Variants in CCDC183 observed in about 807,000 individuals in gnomAD.
The protein encoded by CCDC183 is coiled-coil domain containing 183, also known as coiled-coil domain-containing protein 183.
In CCDC183, 63 loss-of-function variants were observed where a neutral mutation model predicts 65.2. That is an observed-to-expected ratio of 0.97 (90% CI 0.79 to 1.19). The LOEUF (loss-of-function observed/expected upper bound fraction) is 1.19. Ranked by LOEUF, CCDC183 falls within the 50% of genes most tolerant of loss-of-function variation. CCDC183 has a pLI of 0.00. For missense variants in CCDC183, 769 were observed against 689.3 expected (o/e 1.12, Z -1.30); for synonymous variants, 323 against 276.5 (o/e 1.17, Z -1.67).
In CCDC183 at chr9:136,800,021, G is replaced by C; in HGVS notation, c.290G>C (p.Arg97Pro). 6.3e-7 allele frequency: 1 copy of C among 1,590,548 alleles called. No homozygotes were observed. The highest frequency in any genetic ancestry group is 8.6e-7 in the Non-Finnish European group (1 of 1,169,394). Residue 97 changes from arginine (R) to proline (P), a missense_variant, in exon 4 of 14, where the codon CGC becomes CCC. By Grantham distance (103) the Arg-to-Pro change is moderately radical (BLOSUM62 -2). Coordinates refer to ENST00000338005, the MANE Select transcript of CCDC183 (RefSeq NM_001039374.5). ...STMEVVREKL[R>P]KYVFDRVNMH... is the part of the protein sequence containing the mutation. ...ACCCAGGTGGTGCGGGAGAAGCTGC[G>C]CAAGTACGTCTTCGACCGCGTGAAC...
rs557045264 is a variant in CCDC183, at chr9:136,804,599, C to T, written c.764C>T (p.Thr255Met). 51 of 1,613,710 alleles carry T rather than the reference C, an allele frequency of 3.2e-5. No individual in the cohort carries two copies. The highest frequency in any genetic ancestry group is 3.1e-4 in the African/African-American group (23 of 75,038). Residue 255 changes from threonine (T) to methionine (M), a missense_variant, in exon 7 of 14, where the codon ACG becomes ATG. By Grantham distance (81) the Thr-to-Met change is moderately conservative (BLOSUM62 -1). Transcript: ENST00000338005. The surrounding 1 kb of genome is among the most constrained non-coding windows in gnomAD (Gnocchi z 4.1). ...AAGAAGCTGATCGACAAGATCCACA[C>T]GAAGGAGACCAGCGAGAAGTACCGC... ...QQKKLIDKIH[T>M]KETSEKYRRG... is the part of the protein sequence containing the mutation.
At chr9:136,796,976 A>G (rs1044938525) in intron 1 of CCDC183, among the ~76,000 whole-genome samples, 3 of 152,018 alleles carry the variant, frequency 2.0e-5, no homozygotes, top group Non-Finnish European at 4.4e-5. Flanking sequence ...GAGTAGTGAA[A>G]GAGGGAGGCC....
chr9:136,806,206 G>A lies in CCDC183; in HGVS notation c.1077G>A (p.Val359=). The change falls in exon 10 of 14, where the codon GTG becomes GTA. Residue 359 remains valine (V), a synonymous_variant. Transcript: ENST00000338005. Reference sequence around the variant, plus strand: ...AGCAGCTGGAGCTGGAGGAGGCCGTGCTCAAGTTCCGCCAGAAGCCTAGCT... The same window carrying A: ...AGCAGCTGGAGCTGGAGGAGGCCGTACTCAAGTTCCGCCAGAAGCCTAGCT... ...LVKQLELEEA[V]LKFRQKPSSI... 1 of 1,583,022 alleles carries A rather than the reference G, an allele frequency of 6.3e-7. No individual in the cohort carries two copies. Among genetic ancestry groups the A allele is most frequent in the Non-Finnish European group, 8.6e-7 (1 of 1,164,592 alleles).
intron 1 of CCDC183, among the ~76,000 whole-genome samples, chr9:136,798,003 T>A (rs1163219044): frequency 6.6e-6 from 1 of 151,736 alleles, no homozygotes; most frequent in Non-Finnish European, 1.5e-5. Context: ...GTATTTGTAT[T>A]TTTATTTATT....
rs372140283 is a variant in CCDC183 at position 136,800,511 on chromosome 9, G to A, written c.543+18G>A. On this transcript the variant is annotated intron_variant, in intron 5 of 13. Transcript: ENST00000338005. ...TGAAGACAGTGAGCCCAGCGGCCCG[G>A]GAAGGGCGGGGGTCAGGGGCTGGGA... is the stretch of plus-strand genomic sequence containing the variant. The A allele has an allele frequency of 4.5e-6, 7 of 1,571,218 alleles. No individual in the cohort carries two copies. Among genetic ancestry groups the A allele is most frequent in the Non-Finnish European group, 6.1e-6 (7 of 1,148,030 alleles).
rs773238106 is a variant in CCDC183 at position 136,802,697 on chromosome 9, C to A, written c.577C>A (p.Leu193Met). The change falls in exon 6 of 14, where the codon CTG becomes ATG. Residue 193 changes from leucine (L) to methionine (M), a missense_variant. Physicochemically the swap from Leu to Met is conservative, Grantham distance 15 (BLOSUM62 2). Transcript: ENST00000338005. ...AGGATACCCCATTGAGCTGGACAAG[C>A]TGCAGAACCTCGTGGTCAACTACTG... ...LAGYPIELDK[L>M]QNLVVNYCSE... The A allele has an allele frequency of 1.2e-6, 2 of 1,613,450 alleles. No individual in the cohort carries two copies. Among genetic ancestry groups the A allele is most frequent in the Non-Finnish European group, 1.7e-6 (2 of 1,179,834 alleles).
intron 1 of CCDC183, among the ~76,000 whole-genome samples, chr9:136,797,643 T>C (rs1345230368): frequency 6.6e-6 from 1 of 152,178 alleles, no homozygotes. Context: ...TTTCACCGTG[T>C]TAGCCAGGAT....
At chr9:136,800,265 TG>T (rs1847717757) in intron 4 of CCDC183, 96 bp downstream of exon 4, 1 of 1,077,440 alleles carries the variant, frequency 9.3e-7, no homozygotes, top group African/African-American at 2.5e-5. Context: ...GCGGGTCCCC[TG>T]GGGAGGGCTC....
chr9:136,805,772 T>C (rs1847833877), intron 9 of CCDC183, among the ~76,000 whole-genome samples: 1 of 152,144 alleles, frequency 6.6e-6, no homozygotes, highest in African/African-American at 2.4e-5. Flanking sequence ...TCTCCTTATC[T>C]CTACATGGGG....
chr9:136,800,145 C>A lies in CCDC183; in HGVS notation c.414C>A (p.Ser138Arg). 6.7e-7 allele frequency: 1 copy of A among 1,498,558 alleles called. No homozygotes were observed. The allele number at this position is 1,498,558 out of a possible 1,614,324, so 92.8% of individuals were successfully genotyped here. A position where few individuals can be genotyped will look rare whatever the true frequency, so the allele number is the denominator to read the frequency against. The change falls in exon 4 of 14, where the codon AGC becomes AGA. Residue 138 changes from serine to arginine, a missense_variant. Transcript: ENST00000338005. ...LDSLRSQPDA[S>R]KEELRLLQII... ...GCCTGCGGAGCCAGCCCGACGCCAG[C>A]AAGGAGGAGCTGCGGCTGCTGCAGG...
Position 136,804,123 on chromosome 9 carries a change from G to T in CCDC183, c.667-379G>T, listed in dbSNP as rs549311741. 5.3e-4 allele frequency: 132 copies of T among 248,962 alleles called. No homozygotes were observed. The highest frequency in any genetic ancestry group is 2.8e-3 in the African/African-American group (127 of 45,114). The allele number at this position is 248,962 out of a possible 1,614,324, so 15.4% of individuals were successfully genotyped here. A position where few individuals can be genotyped will look rare whatever the true frequency, so the allele number is the denominator to read the frequency against. ...CAGTGTCTGGGGTGCGTGAGCAGGG[G>T]TTAGCAGATGACGGTTTTAGCTGCC... On this transcript the variant is annotated intron_variant, in intron 6 of 13. Transcript: ENST00000338005. This position sits in a 1 kb window ranked among gnomAD's most constrained non-coding sequence, Gnocchi z 4.1.
chr9:136,799,195 G>C lies in CCDC183; in HGVS notation c.164G>C (p.Gly55Ala). The change falls in exon 2 of 14, where the codon GGG (glycine) becomes GCG (alanine). Residue 55 changes from glycine to alanine, a missense_variant. Coordinates refer to ENST00000338005, the MANE Select transcript of CCDC183 (RefSeq NM_001039374.5). The part of the protein sequence containing the change: ...LALLRSNIRR[G>A]AQDWALAKKY... ...CTCCTGCGCAGCAACATCCGCCGCG[G>C]GGCCCAGGACTGGGCTTTGGCCAAG... 3.1e-6 allele frequency: 5 copies of C among 1,610,208 alleles called. No individual in the cohort carries two copies. The highest frequency in any genetic ancestry group is 4.2e-6 in the Non-Finnish European group (5 of 1,178,584).
chr9:136,807,571 G>GGGA lies in CCDC183; in HGVS notation c.1487-1_1487insGGA (p.Asp496delinsGlyAsn), dbSNP rs1564353705. On this transcript the variant is annotated protein_altering_variant and splice_region_variant. Coordinates refer to ENST00000338005, the MANE Select transcript of CCDC183 (RefSeq NM_001039374.5). ...GTGCGAGCCGCCGCCTCCGCCCGCA[G>GGGA]ACACCTTCCAGTTCCCCGACATGGA... 1 of 1,601,264 alleles carries GGGA rather than the reference G, an allele frequency of 6.2e-7. No homozygotes were observed. The highest frequency in any genetic ancestry group is 2.3e-5 in the East Asian group (1 of 43,888).
rs768688768 is a variant in CCDC183 at position 136,805,425 on chromosome 9, G to A, written c.916G>A (p.Val306Ile). 6 of 1,614,088 alleles carry A rather than the reference G, an allele frequency of 3.7e-6. No homozygotes were observed. The highest frequency in any genetic ancestry group is 1.7e-5 in the Admixed American group (1 of 60,022). The change falls in exon 9 of 14, where the codon GTC (valine) becomes ATC (isoleucine). Residue 306 changes from valine (V) to isoleucine (I), a missense_variant. Coordinates refer to ENST00000338005, the MANE Select transcript of CCDC183 (RefSeq NM_001039374.5). ...QSGVTAVVEK[V>I]KSAVRCSHVW... ...GGGCGTGACTGCTGTGGTGGAGAAG[G>A]TCAAGAGTGCTGTACGGTGCTCTCA... is the stretch of plus-strand genomic sequence containing the variant.
chr9:136,804,978 C>T lies in CCDC183; in HGVS notation c.847+162C>T. ...GCCTCTCCCTCCAGAGGCTGAGAGC[C>T]TGTAGCCAAATGTGGCCTCAGAGAT... On this transcript the variant is annotated intron_variant, in intron 8 of 13. Transcript: ENST00000338005. The surrounding 1 kb of genome is among the most constrained non-coding windows in gnomAD (Gnocchi z 4.1). 3 of 651,724 alleles carry T rather than the reference C, an allele frequency of 4.6e-6. No individual in the cohort carries two copies. Among genetic ancestry groups the T allele is most frequent in the Middle Eastern group, 2.5e-4 (1 of 3,962 alleles). 40.4% of individuals were successfully genotyped at this position (651,724 alleles called of 1,614,324 possible). A position where few individuals can be genotyped will look rare whatever the true frequency, so the allele number is the denominator to read the frequency against.
At chr9:136,799,971 C>A (rs1370564683) in intron 3 of CCDC183, 31 bp from the exon 4 acceptor site, 3 of 1,565,822 alleles carry the variant, frequency 1.9e-6, no homozygotes, top group Non-Finnish European at 2.6e-6. Context: ...CCCTACGCAA[C>A]CACGAGTGGG....
intron 13 of CCDC183, 149 bp downstream of exon 13, chr9:136,807,215 G>A (rs1312221624): frequency 2.9e-6 from 2 of 688,774 alleles, no homozygotes; most frequent in Non-Finnish European, 4.9e-6. Flanking sequence ...TTAATTGATG[G>A]AGGTGACTTA....
intron 2 of CCDC183, 44 bp from the exon 3 acceptor site, chr9:136,799,669 G>A: frequency 1.3e-6 from 2 of 1,562,950 alleles, no homozygotes; most frequent in Non-Finnish European, 1.8e-6. Context: ...GCGGCTGCGG[G>A]TGCGCAAAGG....
rs1012580088 is a variant in CCDC183, at chr9:136,799,791, G to T, written c.270+1G>T. 2.5e-6 allele frequency: 4 copies of T among 1,612,394 alleles called. No homozygotes were observed. In the African/African-American group the frequency reaches 5.3e-5, roughly 22 times the overall value. ...GGCGCACTGCCGCAGCACCATGGAG[G>T]TAACCAGGCAGGAGGGGCCTCGAGA... On this transcript the variant is annotated splice_donor_variant, in intron 3 of 13. Transcript: ENST00000338005. LOFTEE classifies it high-confidence loss of function.
Sources: gnomAD v4.1 joint callset for allele counts (sites outside exome capture counted in the v4.1 genomes callset) on GRCh38, gnomAD v4.1.1 for gene constraint, Gnocchi (gnomAD v3.1) non-coding constraint, MANE v1.5 for transcripts, NCBI Gene and HGNC (gene_info 2026-07-23, HGNC 2026-07-21) for gene names.